Variants in SIL1 observed in about 807,000 individuals in gnomAD.
SIL1 encodes the protein SIL1 nucleotide exchange factor.
In SIL1, 40 loss-of-function variants were observed where a neutral mutation model predicts 49.1. The observed-to-expected ratio is 0.81, with a 90% CI of 0.63 to 1.06. The LOEUF (loss-of-function observed/expected upper bound fraction) is 1.06. Among genes scored for constraint, SIL1 ranks in the 50% least tolerant of loss-of-function variants. The pLI is 0.00. For missense variants in SIL1, 500 were observed against 572.6 expected, an observed-to-expected ratio of 0.87 and a Z score of 1.29; for synonymous variants, 253 against 250.8, an observed-to-expected ratio of 1.01 and a Z score of -0.08.
At chr5:138,955,177 G>A (rs998954795) in intron 7 of SIL1, among the ~76,000 whole-genome samples, 53 of 152,180 alleles carry the variant, frequency 3.5e-4, no homozygotes, top group African/African-American at 1.2e-3. Flanking sequence ...GGCCTGGCAC[G>A]CCTCAAAGTG....
chr5:139,046,384 A>G (rs1581056262), intron 4 of SIL1, among the ~76,000 whole-genome samples: 1 of 152,174 alleles, frequency 6.6e-6, no homozygotes, highest in African/African-American at 2.4e-5. Flanking sequence ...TGAATGAAGA[A>G]CATACAAAAT....
At chr5:138,992,653 T>A (rs1005261763) in intron 7 of SIL1, among the ~76,000 whole-genome samples, 5 of 152,132 alleles carry the variant, frequency 3.3e-5, no homozygotes, top group Non-Finnish European at 7.3e-5. Flanking sequence ...TAAATAATCC[T>A]TGGGCGCTAA....
intron 7 of SIL1, among the ~76,000 whole-genome samples, chr5:139,006,490 G>A (rs1288746590): frequency 1.5e-5 from 2 of 130,960 alleles, no homozygotes; most frequent in South Asian, 2.8e-4. Context: ...GGCTTTTGTT[G>A]CCATTGCTTT....
At chr5:139,008,205 G>C (rs971800882) in intron 7 of SIL1, among the ~76,000 whole-genome samples, 2 of 151,550 alleles carry the variant, frequency 1.3e-5, no homozygotes, top group East Asian at 1.9e-4. Context: ...TGTATGTGTC[G>C]AGGAATTTAT....
At chr5:139,190,009 C>G (rs2151823003) in intron 1 of SIL1, among the ~76,000 whole-genome samples, 1 of 152,274 alleles carries the variant, frequency 6.6e-6, no homozygotes, top group Non-Finnish European at 1.5e-5. Flanking sequence ...TCTCTGAATT[C>G]TTAAGATAGC....
intron 2 of SIL1, 72 bp from the exon 3 acceptor site, chr5:139,121,245 G>A: frequency 6.2e-7 from 1 of 1,603,042 alleles, no homozygotes; most frequent in Non-Finnish European, 8.5e-7. Context: ...AATGGCCTAG[G>A]GTGGCACGTT....
chr5:139,065,457 T>C (rs1190073192), intron 3 of SIL1, among the ~76,000 whole-genome samples: 5 of 152,200 alleles, frequency 3.3e-5, no homozygotes, highest in Non-Finnish European at 7.3e-5. Context: ...CTTAGCTCAG[T>C]CACAAACTTA....
rs368425404 is a variant in SIL1, at chr5:139,057,499, C to G, written c.245-6453G>C. On this transcript the variant is annotated intron_variant, in intron 3 of 9. Coordinates refer to ENST00000394817, the MANE Select transcript of SIL1 (RefSeq NM_022464.5). ...TGTACCCCCACCTGCCCCCTCCTGG[C>G]AGTCAGAGGCCGCAGGCTACCAGAG... Among the ~76,000 whole-genome samples, 15 of 151,944 alleles carry G rather than the reference C, an allele frequency of 9.9e-5. No individual in the cohort carries two copies. The East Asian group carries it at 2.9e-3, about 29-fold the overall frequency.
chr5:138,956,742 T>TA (rs57796613), intron 7 of SIL1, among the ~76,000 whole-genome samples: 12,943 of 133,884 alleles, frequency 0.097, 1,903 homozygotes, highest in African/African-American at 0.32. Context: ...GACTCTATCT[T>TA]AAAAAAAAAA....
intron 1 of SIL1, chr5:139,137,238 C>A: frequency 1.5e-6 from 1 of 686,276 alleles, no homozygotes; most frequent in South Asian, 1.5e-5. Flanking sequence ...AGTATTAGTT[C>A]ATTTACTCTT....
Position 139,127,730 on chromosome 5 carries a change from G to A in SIL1, c.105+9C>T. The A allele has an allele frequency of 1.2e-6, 2 of 1,604,440 alleles. No individual in the cohort carries two copies. Among genetic ancestry groups the A allele is most frequent in the African/African-American group, 2.7e-5 (2 of 74,656 alleles). On this transcript the variant is annotated intron_variant, in intron 2 of 9. Transcript: ENST00000394817. The stretch of plus-strand genomic sequence containing the variant: ...AAGGGTCCCTCCCATTTACAATAAA[G>A]ATATTTACCAGGTTCTGATGACTGA...
At chr5:139,052,640 C>A (rs766541478) in intron 3 of SIL1, among the ~76,000 whole-genome samples, 1 of 151,964 alleles carries the variant, frequency 6.6e-6, no homozygotes, top group African/African-American at 2.4e-5. Context: ...GCCAAGATCA[C>A]GCCACTGCAC....
chr5:139,113,349 C>T (rs1044226781), intron 3 of SIL1, among the ~76,000 whole-genome samples: 4 of 151,844 alleles, frequency 2.6e-5, no homozygotes, highest in African/African-American at 9.7e-5. Context: ...AAGTTTCACA[C>T]CTTTAAATCT....
In SIL1 at chr5:138,947,720, G is replaced by A. The variant is rs1025270485; in HGVS notation, c.1030-247C>T. Among the ~76,000 whole-genome samples the A allele has an allele frequency of 2.0e-5, 3 of 152,188 alleles. No homozygotes were observed. The highest frequency in any genetic ancestry group is 4.4e-5 in the Non-Finnish European group (3 of 68,036). On this transcript the variant is annotated intron_variant, in intron 9 of 9. Coordinates refer to ENST00000394817, the MANE Select transcript of SIL1 (RefSeq NM_022464.5). The surrounding 1 kb of genome is among the most constrained non-coding windows in gnomAD (Gnocchi z 4.1). The stretch of plus-strand genomic sequence containing the variant: ...GATGGAGACATAGTCTTACCCTCAA[G>A]GAGCTTAAGGTCTAGCAGGAGAATA...
intron 3 of SIL1, among the ~76,000 whole-genome samples, chr5:139,078,230 G>T (rs770677944): frequency 2.6e-5 from 4 of 152,034 alleles, no homozygotes; most frequent in Non-Finnish European, 4.4e-5. Context: ...GATCTCTTGG[G>T]TCCAAGAGTT....
chr5:139,019,131 C>T (rs1481847963), intron 7 of SIL1, among the ~76,000 whole-genome samples: 1 of 152,196 alleles, frequency 6.6e-6, no homozygotes, highest in African/African-American at 2.4e-5. Flanking sequence ...ATCTGAACAC[C>T]CTCTTGATAA....
intron 7 of SIL1, among the ~76,000 whole-genome samples, chr5:138,964,210 T>C (rs1459936330): frequency 6.6e-6 from 1 of 152,260 alleles, no homozygotes; most frequent in Non-Finnish European, 1.5e-5. Flanking sequence ...TCCAGTCAGC[T>C]GGTTGACAAA....
At chr5:139,178,869 T>C (rs1751932086) in intron 1 of SIL1, among the ~76,000 whole-genome samples, 2 of 152,172 alleles carry the variant, frequency 1.3e-5, no homozygotes, top group African/African-American at 2.4e-5. Flanking sequence ...AGATGTTTTA[T>C]ATACATTTGT....
intron 1 of SIL1, among the ~76,000 whole-genome samples, chr5:139,140,829 G>C (rs1163155725): frequency 1.3e-5 from 2 of 152,168 alleles, no homozygotes; most frequent in Non-Finnish European, 2.9e-5. Context: ...ACCAATTTGG[G>C]ATCAGAAACC....
Sources: allele counts gnomAD v4.1 joint callset (sites outside exome capture counted in the v4.1 genomes callset), GRCh38; gene constraint gnomAD v4.1.1; non-coding constraint Gnocchi (gnomAD v3.1); transcripts MANE v1.5; gene names NCBI Gene and HGNC (gene_info 2026-07-23, HGNC 2026-07-21).